Variants in ASTN1 observed in about 807,000 individuals in gnomAD.
The protein encoded by ASTN1 is astrotactin 1, also known as astrotactin-1.
A neutral mutation model predicts 140.7 loss-of-function variants in ASTN1; 41 were observed. The observed-to-expected ratio is 0.29, with a 90% CI of 0.23 to 0.38. The LOEUF is 0.38. Ranked by LOEUF, ASTN1 falls within the 10% of genes least tolerant of loss-of-function variation. The probability of loss-of-function intolerance (pLI) is 1.00; values close to 1 mark genes in which losing one functional copy is unlikely to be tolerated. For missense variants in ASTN1, 1,479 were observed against 1,678.8 expected (o/e 0.88, Z 2.08); for synonymous variants, 640 against 652.2 (o/e 0.98, Z 0.29).
At chr1:177,082,789 A>G (rs139984984) in intron 1 of ASTN1, among the ~76,000 whole-genome samples, 1 of 152,200 alleles carries the variant, frequency 6.6e-6, no homozygotes, top group Non-Finnish European at 1.5e-5. Flanking sequence ...CTGCCGCCAT[A>G]GATTATGCCT....
chr1:176,925,325 C>A (rs1334529445), intron 16 of ASTN1, among the ~76,000 whole-genome samples: 1 of 152,122 alleles, frequency 6.6e-6, no homozygotes, highest in African/African-American at 2.4e-5. Context: ...GCCTTCAGGT[C>A]TTCAAGATAA....
intron 1 of ASTN1, among the ~76,000 whole-genome samples, chr1:177,118,877 G>A (rs1239342950): frequency 6.6e-6 from 1 of 152,160 alleles, no homozygotes; most frequent in African/African-American, 2.4e-5. Flanking sequence ...GCTGCAAAGA[G>A]GGCAGACTTA....
At chr1:177,014,339 C>T (rs1044462174) in intron 8 of ASTN1, among the ~76,000 whole-genome samples, 1 of 152,202 alleles carries the variant, frequency 6.6e-6, no homozygotes, top group Non-Finnish European at 1.5e-5. Context: ...CAGAGTACTT[C>T]CTGAGTCTCT....
chr1:176,974,004 C>G (rs1673253654), intron 8 of ASTN1, among the ~76,000 whole-genome samples: 1 of 152,200 alleles, frequency 6.6e-6, no homozygotes, highest in Non-Finnish European at 1.5e-5. Context: ...GTATATGCCA[C>G]AAAAACATGA....
chr1:177,118,157 G>A (rs1681190361), intron 1 of ASTN1, among the ~76,000 whole-genome samples: 1 of 152,034 alleles, frequency 6.6e-6, no homozygotes, highest in Non-Finnish European at 1.5e-5. Flanking sequence ...TCCCACCACA[G>A]TACCTTCAAC....
intron 14 of ASTN1, among the ~76,000 whole-genome samples, chr1:176,939,536 A>C (rs1194506694): frequency 6.6e-6 from 1 of 152,190 alleles, no homozygotes; most frequent in Non-Finnish European, 1.5e-5. Flanking sequence ...TTAGTTAAAA[A>C]GAAAGGGGTA....
intron 8 of ASTN1, among the ~76,000 whole-genome samples, chr1:177,002,559 T>C (rs1464384658): frequency 6.6e-6 from 1 of 152,134 alleles, no homozygotes; most frequent in African/African-American, 2.4e-5. Context: ...TGCTGTTTTG[T>C]TTTTTTCTAG....
At chr1:177,090,233 G>C (rs926656845) in intron 1 of ASTN1, among the ~76,000 whole-genome samples, 1 of 151,298 alleles carries the variant, frequency 6.6e-6, no homozygotes, top group Non-Finnish European at 1.5e-5. Flanking sequence ...CCCACACACA[G>C]TACCCTGTTT....
chr1:176,860,768 C>T (rs1571422256), downstream of ASTN1, among the ~76,000 whole-genome samples: 1 of 152,212 alleles, frequency 6.6e-6, no homozygotes, highest in Admixed American at 6.5e-5. Flanking sequence ...GAGAACAAGC[C>T]TGTACCCTCT....
At chr1:177,038,485 G>A (rs1676829324) in intron 2 of ASTN1, among the ~76,000 whole-genome samples, 1 of 152,068 alleles carries the variant, frequency 6.6e-6, no homozygotes, top group Admixed American at 6.5e-5. Flanking sequence ...AGGGAGGAAG[G>A]AAAGAAGGAA....
At chr1:177,073,219 A>G (rs889620084) in intron 1 of ASTN1, among the ~76,000 whole-genome samples, 3 of 152,192 alleles carry the variant, frequency 2.0e-5, no homozygotes, top group African/African-American at 7.2e-5. Context: ...CCTCCCAGAC[A>G]TCAACCTTAA....
chr1:177,060,258 G>C (rs1678018524), intron 2 of ASTN1, among the ~76,000 whole-genome samples: 1 of 152,154 alleles, frequency 6.6e-6, no homozygotes, highest in Non-Finnish European at 1.5e-5. Context: ...AGTAGGAGAA[G>C]GAATGTTAAT....
intron 14 of ASTN1, among the ~76,000 whole-genome samples, chr1:176,936,720 A>T (rs189938188): frequency 2.0e-4 from 30 of 152,268 alleles, no homozygotes; most frequent in African/African-American, 6.7e-4. Flanking sequence ...ACACACAATA[A>T]CTTCTGGTTC....
In ASTN1 at chr1:176,936,266, C is replaced by T; in HGVS notation, c.2482G>A (p.Ala828Thr). 2 of 1,613,532 alleles carry T rather than the reference C, an allele frequency of 1.2e-6. No homozygotes were observed. The highest frequency in any genetic ancestry group is 1.7e-6 in the Non-Finnish European group (2 of 1,179,494). ...CAGGATAGCCTGCAGCAGTGCTCAC[C>T]CTGAGAGATGGCCACTTGGTTGAGT... Reference protein sequence around the residue: ...IKLNQVAISQALSNALHSLDG... With the variant: ...IKLNQVAISQTLSNALHSLDG... The change falls in exon 15 of 23, where the codon GCC becomes ACC. Residue 828 changes from alanine (A) to threonine (T), a missense_variant and splice_region_variant. Physicochemically the swap from Ala to Thr is moderately conservative, Grantham distance 58. Around this residue, in one of 3 missense-constraint regions of ASTN1, gnomAD observed 746 missense variants for 800.9 expected, o/e 0.93. Transcript: ENST00000361833.
chr1:176,979,846 G>A (rs1257611243), intron 8 of ASTN1, among the ~76,000 whole-genome samples: 1 of 152,152 alleles, frequency 6.6e-6, no homozygotes, highest in African/African-American at 2.4e-5. Flanking sequence ...GTGTGTGTAA[G>A]AAAGATGAAA....
intron 16 of ASTN1, among the ~76,000 whole-genome samples, chr1:176,904,979 G>A (rs1218278832): frequency 2.0e-5 from 3 of 152,180 alleles, no homozygotes; most frequent in African/African-American, 7.2e-5. Context: ...AGTTTGGGCA[G>A]AACCATCAGC....
At chr1:176,998,637 C>T (rs1013141689) in intron 8 of ASTN1, among the ~76,000 whole-genome samples, 3 of 152,166 alleles carry the variant, frequency 2.0e-5, no homozygotes, top group Non-Finnish European at 2.9e-5. Flanking sequence ...GGAGGGCAAT[C>T]CTCTAGAGGG....
chr1:177,061,096 G>C lies in ASTN1; in HGVS notation c.453C>G (p.Ile151Met), dbSNP rs1425938763. The change falls in exon 2 of 23, where the codon ATC (isoleucine) becomes ATG (methionine). Residue 151 changes from isoleucine to methionine, a missense_variant. Ile to Met is a conservative substitution (Grantham distance 10). Around this residue, in one of 3 missense-constraint regions of ASTN1, gnomAD observed 729 missense variants for 860.4 expected, o/e 0.85. Transcript: ENST00000361833. ...CTCTTACCATGACTGAGATGTGGAG[G>C]ATCCTCAGCTCCTCTTCTGCCGACT... ...QHESAEEELR[I>M]LHISVMGGMI... 6.2e-7 allele frequency: 1 copy of C among 1,605,556 alleles called. No individual in the cohort carries two copies. Among genetic ancestry groups the C allele is most frequent in the Non-Finnish European group, 8.5e-7 (1 of 1,176,098 alleles).
chr1:176,893,542 T>C (rs929334119), intron 17 of ASTN1, among the ~76,000 whole-genome samples: 1 of 152,206 alleles, frequency 6.6e-6, no homozygotes, highest in African/African-American at 2.4e-5. Context: ...CTGAGGCAGG[T>C]AGGCGAGAGA....
Sources: allele counts gnomAD v4.1 joint callset (sites outside exome capture counted in the v4.1 genomes callset), GRCh38; gene constraint gnomAD v4.1.1; regional missense constraint gnomAD v4.1.1; transcripts MANE v1.5; gene names NCBI Gene and HGNC (gene_info 2026-07-23, HGNC 2026-07-21).